PHC2: variants seen among roughly 807,000 people sequenced by gnomAD.
PHC2 encodes polyhomeotic homolog 2.
PHC2 carries 29 observed loss-of-function variants against 87.4 expected under a neutral mutation model. The observed-to-expected ratio is 0.33, with a 90% CI of 0.25 to 0.45. The LOEUF is 0.45. Among genes scored for constraint, PHC2 ranks in the 20% least tolerant of loss-of-function variants. The probability of loss-of-function intolerance (pLI) is 1.00; values close to 1 mark genes in which losing one functional copy is unlikely to be tolerated. For missense variants in PHC2, 857 were observed against 1,136.7 expected (o/e 0.75, Z 3.54); for synonymous variants, 438 against 461.7 (o/e 0.95, Z 0.66).
At chr1:33,350,121 G>A (rs1419118017) in intron 9 of PHC2, among the ~76,000 whole-genome samples, 3 of 152,000 alleles carry the variant, frequency 2.0e-5, no homozygotes, top group Non-Finnish European at 1.5e-5. Context: ...CCTGATAGCC[G>A]GTGCAAGTGC....
chr1:33,383,892 G>A (rs574308703), intron 1 of PHC2, among the ~76,000 whole-genome samples: 20 of 144,178 alleles, frequency 1.4e-4, no homozygotes, highest in Admixed American at 3.4e-4. Context: ...AGGAAGAGGC[G>A]AGGAAGGACT....
chr1:33,427,267 A>G (rs2148412011), intron 1 of PHC2, among the ~76,000 whole-genome samples: 1 of 152,354 alleles, frequency 6.6e-6, no homozygotes, highest in Middle Eastern at 3.4e-3. Context: ...TCAATAAACG[A>G]CAGCTACACT....
chr1:33,395,068 G>GC (rs1649238931), intron 1 of PHC2, among the ~76,000 whole-genome samples: 1 of 152,100 alleles, frequency 6.6e-6, no homozygotes, highest in Admixed American at 6.6e-5. Context: ...ATTCATAATA[G>GC]CCCCCAAACC....
At chr1:33,397,464 T>C (rs1649342366) in intron 1 of PHC2, among the ~76,000 whole-genome samples, 1 of 152,204 alleles carries the variant, frequency 6.6e-6, no homozygotes, top group Non-Finnish European at 1.5e-5. Context: ...TTTTGAGCCA[T>C]CCTCTTAATT....
At chr1:33,325,065 T>A in intron 14 of PHC2, 46 bp from the exon 15 acceptor site, 1 of 1,547,382 alleles carries the variant, frequency 6.5e-7, no homozygotes, top group South Asian at 1.2e-5. Context: ...GCCGCCAGTG[T>A]TCACCTCTGG....
rs1280411031 is a variant in PHC2 at position 33,323,789 on chromosome 1, C to T, written c.*1076G>A. 1 of 152,686 alleles carries T rather than the reference C, an allele frequency of 6.5e-6. No individual in the cohort carries two copies. Among genetic ancestry groups the T allele is most frequent in the Non-Finnish European group, 1.5e-5 (1 of 68,070 alleles). 9.5% of individuals were successfully genotyped at this position (152,686 alleles called of 1,614,324 possible). On this transcript the variant is annotated 3_prime_UTR_variant, in exon 15 of 15. Coordinates refer to ENST00000683057, the MANE Select transcript of PHC2 (RefSeq NM_001385109.1). ...GGTCAGAGGCAGGCCCTCGCCCTTT[C>T]TGCCCTGCCTCCTCCTCAGGTAGCT...
At chr1:33,430,534 C>T (rs1315287280) in intron 1 of PHC2, among the ~76,000 whole-genome samples, 3 of 152,110 alleles carry the variant, frequency 2.0e-5, no homozygotes, top group Admixed American at 2.0e-4. Flanking sequence ...AGGCGCAGGC[C>T]GCGCAAGACC....
intron 1 of PHC2, among the ~76,000 whole-genome samples, chr1:33,395,357 G>A (rs535107123): frequency 6.6e-6 from 1 of 152,148 alleles, no homozygotes; most frequent in East Asian, 1.9e-4. Flanking sequence ...ATAGGGATTT[G>A]TACTATATCA....
intron 1 of PHC2, among the ~76,000 whole-genome samples, chr1:33,408,938 A>C (rs1649875859): frequency 6.6e-6 from 1 of 152,190 alleles, no homozygotes; most frequent in Admixed American, 6.5e-5. Context: ...TACTTGTTGT[A>C]GACCACTAGT....
chr1:33,406,531 A>G (rs1649770721), intron 1 of PHC2, among the ~76,000 whole-genome samples: 1 of 152,192 alleles, frequency 6.6e-6, no homozygotes, highest in African/African-American at 2.4e-5. Flanking sequence ...GGGCAAAATC[A>G]CCCACAGTTG....
intron 1 of PHC2, among the ~76,000 whole-genome samples, chr1:33,407,936 C>G (rs1557846818): frequency 6.6e-6 from 1 of 152,192 alleles, no homozygotes; most frequent in Non-Finnish European, 1.5e-5. Context: ...GGTCAGGTTT[C>G]TGGCCTGTCC....
chr1:33,358,841 C>T (rs1647141894), intron 7 of PHC2: 1 of 152,224 alleles, frequency 6.6e-6, no homozygotes. Flanking sequence ...ATTCTAGTCA[C>T]CATTCTCTGG....
At chr1:33,430,122 T>TG (rs1204251593) in intron 1 of PHC2, among the ~76,000 whole-genome samples, 1 of 151,926 alleles carries the variant, frequency 6.6e-6, no homozygotes, top group Non-Finnish European at 1.5e-5. Flanking sequence ...GTAGCAGACC[T>TG]GGGGAGGGGG....
chr1:33,402,305 C>A (rs953796142), intron 1 of PHC2, among the ~76,000 whole-genome samples: 2 of 152,104 alleles, frequency 1.3e-5, no homozygotes, highest in Non-Finnish European at 2.9e-5. Context: ...GGGGAGGATA[C>A]AGAGCAATGG....
intron 1 of PHC2, among the ~76,000 whole-genome samples, chr1:33,421,328 G>A (rs971192498): frequency 6.6e-6 from 1 of 152,162 alleles, no homozygotes; most frequent in Non-Finnish European, 1.5e-5. Context: ...GTAGGGCAAA[G>A]TGTGTGACTA....
intron 1 of PHC2, among the ~76,000 whole-genome samples, chr1:33,420,304 A>G (rs751482569): frequency 1.3e-5 from 2 of 152,226 alleles, no homozygotes; most frequent in Non-Finnish European, 2.9e-5. Context: ...AAATCTATAC[A>G]ATTATGAAAC....
In PHC2 at chr1:33,329,750, G is replaced by A. The variant is rs867726607; in HGVS notation, c.2148+321C>T. On this transcript the variant is annotated intron_variant, in intron 13 of 14. Transcript: ENST00000683057. ...GCTGCCTTCTCACCCAGCCCTCCACGTAAGGCAGGAGGTTACCTGAGCAGC... is the reference window on the plus strand; with the variant it reads ...GCTGCCTTCTCACCCAGCCCTCCACATAAGGCAGGAGGTTACCTGAGCAGC... 3.3e-5 allele frequency among the ~76,000 whole-genome samples: 5 copies of A among 152,192 alleles called. No homozygotes were observed. In the South Asian group the frequency reaches 6.2e-4, roughly 19 times the overall value.
chr1:33,328,504 C>T (rs1170586122), intron 14 of PHC2, among the ~76,000 whole-genome samples: 1 of 151,684 alleles, frequency 6.6e-6, no homozygotes, highest in African/African-American at 2.4e-5. Flanking sequence ...GTGTGAGCCA[C>T]CACACCTGGC....
Position 33,324,787 on chromosome 1 carries a change from G to A in PHC2, c.*78C>T. ...TGCCCTCCAACCGGCCCCATTTCTG[G>A]GCCCCTCAGGAATGTCTGTCTGGCT... On this transcript the variant is annotated 3_prime_UTR_variant, in exon 15 of 15. Coordinates refer to ENST00000683057, the MANE Select transcript of PHC2 (RefSeq NM_001385109.1). The A allele has an allele frequency of 1.4e-6, 2 of 1,467,214 alleles. No individual in the cohort carries two copies. Among genetic ancestry groups the A allele is most frequent in the Non-Finnish European group, 1.8e-6 (2 of 1,095,918 alleles). The allele number at this position is 1,467,214 out of a possible 1,614,324, so 90.9% of individuals were successfully genotyped here.
Sources: gnomAD v4.1 joint callset for allele counts (sites outside exome capture counted in the v4.1 genomes callset) on GRCh38, gnomAD v4.1.1 for gene constraint, MANE v1.5 for transcripts, NCBI Gene and HGNC (gene_info 2026-07-23, HGNC 2026-07-21) for gene names.